Variants in DPP10 observed in about 807,000 individuals in gnomAD.
DPP10 encodes inactive dipeptidyl peptidase 10.
DPP10 carries 33 observed loss-of-function variants against 120.9 expected under a neutral mutation model. The ratio of observed to expected loss-of-function variants is 0.27; its 90% confidence interval spans 0.21 to 0.37. The LOEUF (loss-of-function observed/expected upper bound fraction) is 0.37. DPP10 is among the 10% of genes least tolerant of loss of function. The pLI is 1.00. For missense variants in DPP10, 816 were observed against 942.8 expected, an observed-to-expected ratio of 0.87 and a Z score of 1.76; for synonymous variants, 337 against 326.1, an observed-to-expected ratio of 1.03 and a Z score of -0.36.
intron 21 of DPP10, among the ~76,000 whole-genome samples, chr2:115,822,866 C>G (rs1687946345): frequency 6.6e-6 from 1 of 151,878 alleles, no homozygotes; most frequent in Non-Finnish European, 1.5e-5. Context: ...ATACTTGCTT[C>G]TATAGTCCAA....
intron 1 of DPP10, among the ~76,000 whole-genome samples, chr2:114,869,945 C>T (rs192704368): frequency 5.9e-5 from 9 of 152,272 alleles, no homozygotes; most frequent in Admixed American, 1.3e-4. Context: ...CTTGTATTTA[C>T]CCTCTACGTT....
intron 19 of DPP10, among the ~76,000 whole-genome samples, chr2:115,804,524 T>C (rs906706778): frequency 1.6e-4 from 24 of 152,192 alleles, no homozygotes; most frequent in East Asian, 5.8e-4. Flanking sequence ...TTAGAGTTTC[T>C]GGTTTTTCTG....
intron 5 of DPP10, among the ~76,000 whole-genome samples, chr2:115,533,063 G>A (rs2078570616): frequency 6.6e-6 from 1 of 151,818 alleles, no homozygotes; most frequent in South Asian, 2.1e-4. Flanking sequence ...TAGTTTTATA[G>A]TTTTCTTGTT....
At chr2:114,977,269 G>A (rs1029789794) in intron 1 of DPP10, among the ~76,000 whole-genome samples, 1 of 152,046 alleles carries the variant, frequency 6.6e-6, no homozygotes, top group Non-Finnish European at 1.5e-5. Flanking sequence ...CGCTTGCAAA[G>A]TTATATGCCA....
At chr2:115,009,763 G>A (rs1702128819) in intron 1 of DPP10, among the ~76,000 whole-genome samples, 1 of 152,040 alleles carries the variant, frequency 6.6e-6, no homozygotes, top group South Asian at 2.1e-4. Context: ...TATCCTACAA[G>A]TTAAAGTATA....
At chr2:115,216,925 CTATGTA>C (rs1234217922) in intron 1 of DPP10, among the ~76,000 whole-genome samples, 1 of 151,286 alleles carries the variant, frequency 6.6e-6, no homozygotes, top group African/African-American at 2.4e-5. Flanking sequence ...GTATATATGT[CTATGTA>C]TATTTGTCTA....
At chr2:114,532,314 CACAGAT>C (rs1297901775) in intron 1 of DPP10, among the ~76,000 whole-genome samples, 10 of 142,588 alleles carry the variant, frequency 7.0e-5, no homozygotes, top group Admixed American at 2.1e-4. Flanking sequence ...CACACACACA[CACAGAT>C]ACACACCATA....
intron 1 of DPP10, among the ~76,000 whole-genome samples, chr2:114,515,836 C>T (rs1650658450): frequency 6.6e-6 from 1 of 151,654 alleles, no homozygotes; most frequent in South Asian, 2.1e-4. Context: ...TTATTCTACT[C>T]CCTGGGTCAG....
At chr2:114,507,229 T>G (rs1683751227) in intron 1 of DPP10, among the ~76,000 whole-genome samples, 2 of 151,948 alleles carry the variant, frequency 1.3e-5, no homozygotes, top group African/African-American at 4.8e-5. Context: ...TTGTAGTTTT[T>G]GTAGAGACAG....
At chr2:114,603,268 C>A (rs375555401) in intron 1 of DPP10, among the ~76,000 whole-genome samples, 1 of 151,498 alleles carries the variant, frequency 6.6e-6, no homozygotes, top group South Asian at 2.1e-4. Context: ...AATTTTCATA[C>A]GAAAAAAATG....
At chr2:114,944,922 A>C (rs1574541167) in intron 1 of DPP10, among the ~76,000 whole-genome samples, 1 of 152,238 alleles carries the variant, frequency 6.6e-6, no homozygotes, top group East Asian at 1.9e-4. Flanking sequence ...CAGCTTAGAA[A>C]TAGATCCACA....
At chr2:115,475,238 T>A (rs957484552) in intron 3 of DPP10, among the ~76,000 whole-genome samples, 1 of 152,206 alleles carries the variant, frequency 6.6e-6, no homozygotes, top group East Asian at 1.9e-4. Context: ...CTGTGCAGCC[T>A]TGGGACACTA....
rs779957556 is a variant in DPP10, at chr2:115,329,657, A to G, written c.176-14160A>G. The stretch of plus-strand genomic sequence containing the variant: ...TGTGTCCAAGCGTTTTCATTGTTCA[A>G]TTCCCACCTATGAGTGAGAACATGA... On this transcript the variant is annotated intron_variant, in intron 2 of 25. Transcript: ENST00000410059. Among the ~76,000 whole-genome samples the G allele has an allele frequency of 1.1e-3, 162 of 152,002 alleles. 1 individual carries two copies. Among genetic ancestry groups the G allele is most frequent in the Non-Finnish European group, 1.8e-3 (123 of 68,006 alleles).
intron 1 of DPP10, among the ~76,000 whole-genome samples, chr2:115,018,795 G>A (rs926379210): frequency 6.6e-6 from 1 of 152,048 alleles, no homozygotes; most frequent in African/African-American, 2.4e-5. Flanking sequence ...AAACCACCAT[G>A]GCAAGTGTAT....
chr2:115,191,530 C>A (rs184625661), intron 1 of DPP10, among the ~76,000 whole-genome samples: 1 of 152,110 alleles, frequency 6.6e-6, no homozygotes, highest in Non-Finnish European at 1.5e-5. Flanking sequence ...AGGTGACCAG[C>A]AATAGAGTGA....
intron 7 of DPP10, among the ~76,000 whole-genome samples, chr2:115,715,520 T>C (rs1209651659): frequency 6.6e-6 from 1 of 152,138 alleles, no homozygotes; most frequent in Non-Finnish European, 1.5e-5. Context: ...TGCTTCGCTA[T>C]ATTATAAACA....
At chr2:114,671,073 A>G (rs1350446032) in intron 1 of DPP10, among the ~76,000 whole-genome samples, 4 of 152,180 alleles carry the variant, frequency 2.6e-5, no homozygotes, top group Non-Finnish European at 5.9e-5. Flanking sequence ...AATTTGGTTG[A>G]CAAGTCTTTT....
At chr2:114,872,939 T>C (rs963219509) in intron 1 of DPP10, among the ~76,000 whole-genome samples, 1 of 152,216 alleles carries the variant, frequency 6.6e-6, no homozygotes, top group Admixed American at 6.5e-5. Context: ...GTATAATATG[T>C]GGGGACTAGC....
At chr2:115,725,671 C>A (rs2092749917) in intron 7 of DPP10, among the ~76,000 whole-genome samples, 2 of 152,082 alleles carry the variant, frequency 1.3e-5, no homozygotes, top group Non-Finnish European at 2.9e-5. Context: ...GAATTCAGAA[C>A]CATATTACTT....
Sources: allele counts gnomAD v4.1 joint callset (sites outside exome capture counted in the v4.1 genomes callset), GRCh38; gene constraint gnomAD v4.1.1; transcripts MANE v1.5; gene names NCBI Gene and HGNC (gene_info 2026-07-23, HGNC 2026-07-21).